Variants in HERC3 observed in about 807,000 individuals in gnomAD.
The protein encoded by HERC3 is HECT and RLD domain containing E3 ubiquitin protein ligase 3.
A neutral mutation model predicts 129.9 loss-of-function variants in HERC3; 58 were observed. The ratio of observed to expected loss-of-function variants is 0.45; its 90% CI spans 0.36 to 0.56. The LOEUF is 0.56. Among genes scored for constraint, HERC3 ranks in the 20% least tolerant of loss-of-function variants. HERC3 has a pLI of 0.00. For synonymous variants in HERC3, 430 were observed against 451.0 expected (o/e 0.95, Z 0.59); for missense variants, 835 against 1,244.2 (o/e 0.67, Z 4.95).
intron 3 of HERC3, among the ~76,000 whole-genome samples, chr4:88,630,470 A>G (rs1726620265): frequency 6.6e-6 from 1 of 152,198 alleles, no homozygotes; most frequent in Non-Finnish European, 1.5e-5. Flanking sequence ...CGCTTGCATT[A>G]AGATACATGA....
At chr4:88,563,517 G>A in the HERC3 span, among the ~76,000 whole-genome samples, 1 of 152,214 alleles carries the variant, frequency 6.6e-6, no homozygotes, top group African/African-American at 2.4e-5. Flanking sequence ...GATTGCTCTA[G>A]CTAGGACTTC....
At chr4:88,637,385 C>T (rs1727542913) in intron 3 of HERC3, among the ~76,000 whole-genome samples, 1 of 151,300 alleles carries the variant, frequency 6.6e-6, no homozygotes, top group South Asian at 2.1e-4. Context: ...GAGATCGCGC[C>T]ACTGCACTCC....
At chr4:88,585,401 T>C in the HERC3 span, among the ~76,000 whole-genome samples, 1 of 152,212 alleles carries the variant, frequency 6.6e-6, no homozygotes, top group Non-Finnish European at 1.5e-5. Context: ...GTGAAGGTGA[T>C]TGGACCATGA....
chr4:88,584,833 G>C, the HERC3 span, among the ~76,000 whole-genome samples: 1 of 152,148 alleles, frequency 6.6e-6, no homozygotes, highest in African/African-American at 2.4e-5. Flanking sequence ...GCACAAAATG[G>C]ACTAAGAGAC....
chr4:88,631,356 G>C (rs1726732768), intron 3 of HERC3, among the ~76,000 whole-genome samples: 1 of 152,196 alleles, frequency 6.6e-6, no homozygotes, highest in South Asian at 2.1e-4. Context: ...TTGAGAGGCT[G>C]AGGCAGGAGA....
chr4:88,613,133 A>T (rs891545358), intron 3 of HERC3, among the ~76,000 whole-genome samples: 1 of 152,186 alleles, frequency 6.6e-6, no homozygotes, highest in Non-Finnish European at 1.5e-5. Context: ...CTTTCTCCCT[A>T]TCTTGAATAG....
At chr4:88,651,020 A>G (rs1405870118) in intron 4 of HERC3, among the ~76,000 whole-genome samples, 2 of 152,216 alleles carry the variant, frequency 1.3e-5, no homozygotes, top group Non-Finnish European at 2.9e-5. Context: ...GATTTAGGAC[A>G]GGTAATGTCT....
intron 3 of HERC3, among the ~76,000 whole-genome samples, chr4:88,639,087 A>G (rs1267534696): frequency 6.6e-6 from 1 of 152,224 alleles, no homozygotes; most frequent in Non-Finnish European, 1.5e-5. Context: ...CAAGGAAATA[A>G]GAGAGGACAC....
At chr4:88,663,144 TA>T (rs1321374809) in intron 11 of HERC3, among the ~76,000 whole-genome samples, 1 of 152,148 alleles carries the variant, frequency 6.6e-6, no homozygotes, top group Non-Finnish European at 1.5e-5. Flanking sequence ...TTGGGAAGAA[TA>T]AATCAAGCTC....
At chr4:88,705,483 TC>T (rs1476158451) in intron 25 of HERC3, among the ~76,000 whole-genome samples, 1 of 152,242 alleles carries the variant, frequency 6.6e-6, no homozygotes, top group Non-Finnish European at 1.5e-5. Flanking sequence ...CTCCATTTCT[TC>T]CCAGCTCCCC....
At chr4:88,566,909 C>T in the HERC3 span, among the ~76,000 whole-genome samples, 1 of 152,176 alleles carries the variant, frequency 6.6e-6, no homozygotes, top group African/African-American at 2.4e-5. Flanking sequence ...CCCACCTCAG[C>T]CTCTCAAGTT....
At chr4:88,572,816 A>C in the HERC3 span, among the ~76,000 whole-genome samples, 1 of 149,798 alleles carries the variant, frequency 6.7e-6, no homozygotes, top group African/African-American at 2.5e-5. Flanking sequence ...AAAAAAAAAA[A>C]AATAATAATA....
the HERC3 span, among the ~76,000 whole-genome samples, chr4:88,548,953 G>A: frequency 6.4e-4 from 98 of 152,202 alleles, no homozygotes; most frequent in African/African-American, 2.3e-3. Flanking sequence ...GAGCCACTGC[G>A]CCCGGCCCAT....
the HERC3 span, among the ~76,000 whole-genome samples, chr4:88,555,817 G>A: frequency 6.6e-6 from 1 of 152,202 alleles, no homozygotes; most frequent in Non-Finnish European, 1.5e-5. Flanking sequence ...CGATGAGAAT[G>A]AGGAGAGAGG....
chr4:88,592,430 A>G (rs1038636687), upstream of HERC3: 7 of 152,258 alleles, frequency 4.6e-5, no homozygotes, highest in African/African-American at 1.7e-4. Flanking sequence ...CCCGGTGCGA[A>G]GCCATTCACC....
chr4:88,589,549 T>C (rs1299350715), upstream of HERC3, among the ~76,000 whole-genome samples: 3 of 152,210 alleles, frequency 2.0e-5, no homozygotes, highest in Non-Finnish European at 4.4e-5. Flanking sequence ...GGGCTGACAT[T>C]ATTGTAGGTG....
At position 88,697,542 on chromosome 4, in the gene HERC3, C is replaced by T. The variant is rs531063317; in HGVS notation, c.2658-6556C>T. ...GGCATTTCACCGAATTAGGCAGGCTCTCGATAAAGTCATTTTTCGGCTTTG... is the reference window on the plus strand; with the variant it reads ...GGCATTTCACCGAATTAGGCAGGCTTTCGATAAAGTCATTTTTCGGCTTTG... On this transcript the variant is annotated intron_variant, in intron 23 of 25. Coordinates refer to ENST00000402738, the MANE Select transcript of HERC3 (RefSeq NM_014606.3). 96 of 1,614,140 alleles carry T rather than the reference C, an allele frequency of 5.9e-5. 1 individual carries two copies. In the South Asian group the frequency reaches 1.0e-3, roughly 17 times the overall value.
intron 2 of HERC3, among the ~76,000 whole-genome samples, chr4:88,600,523 C>T (rs192755528): frequency 1.2e-3 from 179 of 152,336 alleles, no homozygotes; most frequent in African/African-American, 3.3e-3. Flanking sequence ...ATTTTCTTGA[C>T]CCTGTGTAAT....
At chr4:88,557,522 C>CGT in the HERC3 span, among the ~76,000 whole-genome samples, 7 of 152,002 alleles carry the variant, frequency 4.6e-5, no homozygotes, top group African/African-American at 7.2e-5. Flanking sequence ...TATTCACATA[C>CGT]GTGTGTGTGT....
Sources: gnomAD v4.1 joint callset for allele counts (sites outside exome capture counted in the v4.1 genomes callset) on GRCh38, gnomAD v4.1.1 for gene constraint, MANE v1.5 for transcripts, NCBI Gene and HGNC (gene_info 2026-07-23, HGNC 2026-07-21) for gene names.